The following ZMIZ1 variants were observed in gnomAD, a reference collection of about 807,000 sequenced individuals.
ZMIZ1 encodes the protein zinc finger MIZ domain-containing protein 1.
A neutral mutation model predicts 113.9 loss-of-function variants in ZMIZ1; 17 were observed. The observed-to-expected ratio is 0.15, with a 90% CI of 0.10 to 0.22. The LOEUF (loss-of-function observed/expected upper bound fraction) is 0.22, where lower values mean the gene tolerates loss of function less well. ZMIZ1 is among the 10% of genes least tolerant of loss of function. The probability of loss-of-function intolerance (pLI) is 1.00; values close to 1 mark genes in which losing one functional copy is unlikely to be tolerated. For missense variants in ZMIZ1, 1,059 were observed against 1,477.8 expected (o/e 0.72, Z 4.65); for synonymous variants, 607 against 603.1 (o/e 1.01, Z -0.09).
At chr10:79,245,047 G>C (rs1043202141) in intron 7 of ZMIZ1, among the ~76,000 whole-genome samples, 1 of 152,210 alleles carries the variant, frequency 6.6e-6, no homozygotes, top group African/African-American at 2.4e-5. Flanking sequence ...CCCCTTCTGA[G>C]CTATTTTTAT....
chr10:79,307,373 C>A (rs1854780377), intron 22 of ZMIZ1, 32 bp from the exon 23 acceptor site: 2 of 1,479,702 alleles, frequency 1.4e-6, no homozygotes, highest in Admixed American at 1.8e-5. Context: ...CTCTGGGTGA[C>A]CCCCTCCCCT....
intron 23 of ZMIZ1, among the ~76,000 whole-genome samples, chr10:79,310,371 C>T (rs1420002391): frequency 6.6e-6 from 1 of 152,252 alleles, no homozygotes; most frequent in Non-Finnish European, 1.5e-5. Flanking sequence ...CTCCACACTT[C>T]GGACTGGCAG....
Position 79,286,627 on chromosome 10 carries a change from A to G in ZMIZ1, c.426-3148A>G, listed in dbSNP as rs115890544. Among the ~76,000 whole-genome samples, 1,292 of 152,328 alleles carry G rather than the reference A, an allele frequency of 8.5e-3. 14 individuals are homozygous for G. The highest frequency in any genetic ancestry group is 0.03 in the African/African-American group (1,236 of 41,574). ...CGTGCATCTTTGCTCTGGGGCGGCA[A>G]ACCTTCCAGCCAGGCAGTGGGATGG... On this transcript the variant is annotated intron_variant, in intron 8 of 24. Coordinates refer to ENST00000334512, the MANE Select transcript of ZMIZ1 (RefSeq NM_020338.4).
chr10:79,277,002 A>G (rs1248800041), intron 7 of ZMIZ1, among the ~76,000 whole-genome samples, 179 bp from the exon 8 acceptor site: 2 of 152,096 alleles, frequency 1.3e-5, no homozygotes, highest in Non-Finnish European at 2.9e-5. Flanking sequence ...TGTCAGTCCC[A>G]TCTTACAGTT....
At chr10:79,158,970 C>T (rs937141500) in intron 3 of ZMIZ1, among the ~76,000 whole-genome samples, 5 of 152,336 alleles carry the variant, frequency 3.3e-5, no homozygotes, top group Admixed American at 1.3e-4. Context: ...AGGCTGCTGT[C>T]GGCACGCTGC....
intron 4 of ZMIZ1, among the ~76,000 whole-genome samples, chr10:79,175,864 G>T (rs1457151961): frequency 6.6e-6 from 1 of 152,042 alleles, no homozygotes; most frequent in Non-Finnish European, 1.5e-5. Context: ...CTGGGAGCCG[G>T]TGTGAGCCTG....
Position 79,311,152 on chromosome 10 carries a change from G to A in ZMIZ1, c.3064G>A (p.Gly1022Arg), listed in dbSNP as rs1266089102. 6.2e-7 allele frequency: 1 copy of A among 1,613,398 alleles called. No individual in the cohort carries two copies. Among genetic ancestry groups the A allele is most frequent in the Non-Finnish European group, 8.5e-7 (1 of 1,179,886 alleles). ...SALEGQAGAQGASDMPEPSLD... is the reference protein window; with the variant it reads ...SALEGQAGAQRASDMPEPSLD... ...CTTAGAGGGTCAGGCCGGAGCGCAG[G>A]GAGCGTCCGACATGCCGGAGCCTTC... The change falls in exon 24 of 25, where the codon GGA (glycine) becomes AGA (arginine). Residue 1022 changes from glycine (G) to arginine (R), a missense_variant. Gly to Arg is a moderately radical substitution (Grantham distance 125). Transcript: ENST00000334512.
chr10:79,258,339 G>A (rs557776768), intron 7 of ZMIZ1, among the ~76,000 whole-genome samples: 1 of 152,256 alleles, frequency 6.6e-6, no homozygotes, highest in Non-Finnish European at 1.5e-5. Flanking sequence ...AACCATGTTT[G>A]CAGCACTGCA....
chr10:79,191,340 T>C (rs574691025), intron 4 of ZMIZ1, among the ~76,000 whole-genome samples: 1 of 150,968 alleles, frequency 6.6e-6, no homozygotes, highest in Non-Finnish European at 1.5e-5. Context: ...CTGCTAGGTA[T>C]TTACAGCCTT....
chr10:79,196,493 G>A (rs1285183321), intron 4 of ZMIZ1, among the ~76,000 whole-genome samples: 1 of 152,144 alleles, frequency 6.6e-6, no homozygotes, highest in African/African-American at 2.4e-5. Flanking sequence ...AAGCACCTTC[G>A]GCCCTTAATA....
chr10:79,069,023 G>GAGC lies in ZMIZ1; in HGVS notation c.-583_-581dup, dbSNP rs1208355297. 6.6e-6 allele frequency: 1 copy of GAGC among 151,534 alleles called. No individual in the cohort carries two copies. Among genetic ancestry groups the GAGC allele is most frequent in the Non-Finnish European group, 1.5e-5 (1 of 67,676 alleles). 9.4% of individuals were successfully genotyped at this position (151,534 alleles called of 1,614,324 possible). A position where few individuals can be genotyped will look rare whatever the true frequency, so the allele number is the denominator to read the frequency against. On this transcript the variant is annotated 5_prime_UTR_variant, in exon 1 of 25. Transcript: ENST00000334512. The surrounding 1 kb of genome is among the most constrained non-coding windows in gnomAD (Gnocchi z 4.6). ...CACTGTCTGTGGACATTAAAAAAGC[G>GAGC]AGCGGCGGCGGCGGGCGCCGGGGAG...
chr10:79,199,046 T>C (rs1589413075), intron 4 of ZMIZ1, among the ~76,000 whole-genome samples: 1 of 137,854 alleles, frequency 7.3e-6, no homozygotes. Context: ...AAAAAAAAAA[T>C]TGGAAAAAGC....
At chr10:79,260,732 T>C (rs1851214095) in intron 7 of ZMIZ1, among the ~76,000 whole-genome samples, 1 of 152,200 alleles carries the variant, frequency 6.6e-6, no homozygotes, top group Non-Finnish European at 1.5e-5. Flanking sequence ...AAACTGGGTT[T>C]GGAGGCTGGG....
chr10:79,237,001 A>ATG (rs1417026698), intron 7 of ZMIZ1, among the ~76,000 whole-genome samples: 10 of 152,250 alleles, frequency 6.6e-5, no homozygotes, highest in African/African-American at 2.2e-4. Flanking sequence ...ACTCACAGGC[A>ATG]TGTCAGAGGG....
chr10:79,303,929 A>C, intron 18 of ZMIZ1, 86 bp from the exon 19 acceptor site: 1 of 1,552,180 alleles, frequency 6.4e-7, no homozygotes, highest in Admixed American at 1.8e-5. Flanking sequence ...CCCCAGCTGC[A>C]CGAGGAAGTG....
intron 1 of ZMIZ1, among the ~76,000 whole-genome samples, chr10:79,086,821 T>A (rs1163674410): frequency 3.9e-5 from 6 of 152,216 alleles, no homozygotes; most frequent in African/African-American, 4.8e-5. Context: ...TGATTCTCTA[T>A]ACCTTTGGCC....
intron 16 of ZMIZ1, among the ~76,000 whole-genome samples, chr10:79,299,653 G>C (rs935500681): frequency 6.6e-6 from 1 of 152,258 alleles, no homozygotes; most frequent in Admixed American, 6.5e-5. Context: ...CAGACACTTA[G>C]GCACGTGCTG....
intron 1 of ZMIZ1, among the ~76,000 whole-genome samples, chr10:79,085,278 G>A (rs1280664183): frequency 6.7e-6 from 1 of 148,828 alleles, no homozygotes; most frequent in African/African-American, 2.5e-5. Flanking sequence ...TGGGCAGGCT[G>A]GTTCTGGGGG....
intron 7 of ZMIZ1, among the ~76,000 whole-genome samples, chr10:79,240,748 C>T (rs1300581296): frequency 1.5e-5 from 2 of 137,640 alleles, no homozygotes; most frequent in Admixed American, 1.6e-4. Flanking sequence ...CACCCTATGA[C>T]TTACCAGAGT....
Sources: gnomAD v4.1 joint callset for allele counts (sites outside exome capture counted in the v4.1 genomes callset) on GRCh38, gnomAD v4.1.1 for gene constraint, Gnocchi (gnomAD v3.1) non-coding constraint, MANE v1.5 for transcripts, NCBI Gene and HGNC (gene_info 2026-07-23, HGNC 2026-07-21) for gene names.